ENPP2: variants seen among roughly 807,000 people sequenced by gnomAD.
ENPP2 encodes the protein ectonucleotide pyrophosphatase/phosphodiesterase 2.
In ENPP2, 51 loss-of-function variants were observed where a neutral mutation model predicts 120.2. That is an observed-to-expected ratio of 0.42 (90% CI 0.34 to 0.54). The LOEUF (loss-of-function observed/expected upper bound fraction) is 0.54. ENPP2 is among the 20% of genes least tolerant of loss of function. The pLI is 0.04. For missense variants in ENPP2, 920 were observed against 1,066.5 expected (o/e 0.86, Z 1.91); for synonymous variants, 365 against 366.4 (o/e 1.00, Z 0.04).
Position 119,557,709 on chromosome 8 carries a change from C to G in ENPP2, c.2422-18G>C. 1.3e-6 allele frequency: 2 copies of G among 1,524,974 alleles called. No individual in the cohort carries two copies. The highest frequency in any genetic ancestry group is 1.7e-6 in the Non-Finnish European group (2 of 1,143,304). 94.5% of individuals were successfully genotyped at this position (1,524,974 alleles called of 1,614,324 possible). On this transcript the variant is annotated intron_variant, in intron 24 of 24. Transcript: ENST00000075322. The stretch of plus-strand genomic sequence containing the variant: ...TCTGAGCTCTGCAATGGAAACAGAA[C>G]AAAATCAGAATCAGAATTTTCCAGA...
At position 119,626,687 on chromosome 8, in the gene ENPP2, C is replaced by G; in HGVS notation, c.170G>C (p.Gly57Ala). 1 of 1,614,058 alleles carries G rather than the reference C, an allele frequency of 6.2e-7. No homozygotes were observed. Among genetic ancestry groups the G allele is most frequent in the Non-Finnish European group, 8.5e-7 (1 of 1,179,958 alleles). The change falls in exon 3 of 25, where the codon GGA becomes GCA. Residue 57 changes from glycine (G) to alanine (A), a missense_variant. By Grantham distance (60) the Gly-to-Ala change is moderately conservative. Transcript: ENST00000075322. The stretch of plus-strand genomic sequence containing the variant: ...TTCAAAGCACCTGCCCTTGCAAGAT[C>G]CGGAGATGTTGGTCCAGGGGGAGTC... ...LSDSPWTNIS[G>A]SCKGRCFELQ...
At position 119,653,370 on chromosome 8, in the gene ENPP2, G is replaced by A. The variant is rs116136565; in HGVS notation, c.22-14843C>T. Among the ~76,000 whole-genome samples, 1,476 of 152,274 alleles carry A rather than the reference G, an allele frequency of 9.7e-3. 24 individuals carry two copies. The highest frequency in any genetic ancestry group is 0.034 in the African/African-American group (1,398 of 41,560). ...AAATAACGTCAAGTAGCTGATAAAC[G>A]ATAAAGAAAAAAGAGCACAAGAGCA... On this transcript the variant is annotated intron_variant, in intron 1 of 25. Coordinates refer to the ENPP2 transcript ENST00000427067.
intron 8 of ENPP2, among the ~76,000 whole-genome samples, chr8:119,609,723 T>G (rs1267157123): frequency 6.6e-6 from 1 of 152,220 alleles, no homozygotes; most frequent in Non-Finnish European, 1.5e-5. Flanking sequence ...ATACTTATTT[T>G]AATTGCTTAT....
chr8:119,644,063 C>G lies in ENPP2; in HGVS notation c.22-5536G>C, dbSNP rs145344254. The stretch of plus-strand genomic sequence containing the variant: ...TGAGACTGGAGAGGTTAACAGAGGC[C>G]GGTCATGTGGGGCCTCCGAGGTCAT... On this transcript the variant is annotated intron_variant, in intron 1 of 25. Coordinates refer to the ENPP2 transcript ENST00000427067. Among the ~76,000 whole-genome samples, 127 of 152,058 alleles carry G rather than the reference C, an allele frequency of 8.4e-4. 1 individual carries two copies. The highest frequency in any genetic ancestry group is 2.8e-3 in the African/African-American group (118 of 41,506).
At chr8:119,616,777 A>C (rs1161145552) in intron 7 of ENPP2, among the ~76,000 whole-genome samples, 1 of 152,196 alleles carries the variant, frequency 6.6e-6, no homozygotes, top group Non-Finnish European at 1.5e-5. Flanking sequence ...ATCAATAAAA[A>C]TATATAAATA....
At chr8:119,586,345 G>A in intron 14 of ENPP2, 32 bp from the exon 15 acceptor site, 3 of 1,607,552 alleles carry the variant, frequency 1.9e-6, no homozygotes, top group Non-Finnish European at 2.6e-6. Context: ...GACTTCAGAT[G>A]GAATGTCTTT....
chr8:119,672,132 G>A (rs1009187265), intron 1 of ENPP2, among the ~76,000 whole-genome samples: 3 of 152,166 alleles, frequency 2.0e-5, no homozygotes, highest in Non-Finnish European at 2.9e-5. Flanking sequence ...CAAACCGGTA[G>A]TGAGGAGATG....
At chr8:119,653,805 G>A (rs1174596131) in intron 1 of ENPP2, among the ~76,000 whole-genome samples, 2 of 151,966 alleles carry the variant, frequency 1.3e-5, no homozygotes, top group African/African-American at 4.8e-5. Flanking sequence ...TAATGAGCAC[G>A]CTTGTGACTG....
In ENPP2 at chr8:119,619,291, C is replaced by T; in HGVS notation, c.432G>A (p.Trp144Ter). ...YQVVCKGESHWVDDDCEEIKA... is the reference protein window; with the variant it reads ...YQVVCKGESH ...TTATTTCCTCACAGTCATCATCAAC[C>T]CAATGCGACTCTCCTATAAGGAAAA... Residue 144 changes from tryptophan (W) to a stop codon, truncating the protein, a stop_gained, in exon 5 of 25, where the codon TGG (tryptophan) becomes TGA (stop). Transcript: ENST00000075322. LOFTEE classifies it high-confidence loss of function. The T allele has an allele frequency of 6.2e-7, 1 of 1,611,104 alleles. No individual in the cohort carries two copies. The highest frequency in any genetic ancestry group is 8.5e-7 in the Non-Finnish European group (1 of 1,177,470).
chr8:119,626,446 A>G lies in ENPP2; in HGVS notation c.292+119T>C, dbSNP rs73714487. 624 of 695,100 alleles carry G rather than the reference A, an allele frequency of 9.0e-4. 3 individuals carry two copies. In the African/African-American group the frequency reaches 0.01, roughly 11 times the overall value. The allele number at this position is 695,100 out of a possible 1,614,324, so 43.1% of individuals were successfully genotyped here. ...AAGAACCAATAATCATTCAACAAACAAAACTAGAATCCACAGTTTGGATAG... is the reference window on the plus strand; with the variant it reads ...AAGAACCAATAATCATTCAACAAACGAAACTAGAATCCACAGTTTGGATAG... On this transcript the variant is annotated intron_variant, in intron 3 of 24. Coordinates refer to ENST00000075322, the MANE Select transcript of ENPP2 (RefSeq NM_001040092.3).
chr8:119,625,977 A>G (rs1035726747), intron 3 of ENPP2, among the ~76,000 whole-genome samples: 1 of 152,250 alleles, frequency 6.6e-6, no homozygotes, highest in African/African-American at 2.4e-5. Context: ...AGGGAATGAC[A>G]GGCACACTAA....
intron 1 of ENPP2, among the ~76,000 whole-genome samples, chr8:119,668,272 AAAT>A (rs1313983969): frequency 6.6e-6 from 1 of 152,158 alleles, no homozygotes; most frequent in African/African-American, 2.4e-5. Flanking sequence ...TTAGGTGCTC[AAAT>A]AATAATAGCC....
chr8:119,638,930 A>G (rs1817173836), upstream of ENPP2: 1 of 900,544 alleles, frequency 1.1e-6, no homozygotes, highest in Admixed American at 2.0e-5. Flanking sequence ...GCTTGATTAC[A>G]TCACAGGGTG....
chr8:119,617,997 T>C (rs1815594507), intron 5 of ENPP2, among the ~76,000 whole-genome samples: 1 of 152,160 alleles, frequency 6.6e-6, no homozygotes, highest in Admixed American at 6.5e-5. Context: ...CATTTAACCA[T>C]TTAACCACAA....
chr8:119,598,772 C>G (rs1033254275), intron 11 of ENPP2, among the ~76,000 whole-genome samples: 8 of 152,148 alleles, frequency 5.3e-5, no homozygotes, highest in Admixed American at 2.0e-4. Context: ...TTGCTTATCT[C>G]CTGGACTGCA....
intron 1 of ENPP2, among the ~76,000 whole-genome samples, chr8:119,654,654 T>C (rs1410693381): frequency 6.6e-6 from 1 of 151,854 alleles, no homozygotes; most frequent in African/African-American, 2.4e-5. Flanking sequence ...CTCCCATGCA[T>C]GCTTTTTCTA....
intron 11 of ENPP2, 30 bp from the exon 12 acceptor site, chr8:119,593,890 A>C: frequency 7.8e-7 from 1 of 1,277,950 alleles, no homozygotes; most frequent in Non-Finnish European, 1.1e-6. Flanking sequence ...TAGTCCCCAC[A>C]GGGTTTTCTT....
At chr8:119,569,995 G>A (rs531203584) in intron 20 of ENPP2, among the ~76,000 whole-genome samples, 7 of 152,166 alleles carry the variant, frequency 4.6e-5, no homozygotes, top group African/African-American at 9.6e-5. Context: ...AGGGCCAGGC[G>A]TGGTGGCTCA....
intron 3 of ENPP2, among the ~76,000 whole-genome samples, 193 bp from the exon 4 acceptor site, chr8:119,621,712 A>T (rs747325177): frequency 1.3e-5 from 2 of 152,316 alleles, no homozygotes; most frequent in South Asian, 4.1e-4. Context: ...TAAGTTTTCA[A>T]ATCAGAGAAC....
Sources: gnomAD v4.1 joint callset for allele counts (sites outside exome capture counted in the v4.1 genomes callset) on GRCh38, gnomAD v4.1.1 for gene constraint, MANE v1.5 for transcripts, NCBI Gene and HGNC (gene_info 2026-07-23, HGNC 2026-07-21) for gene names.